The following HDAC3 variants were observed in gnomAD, a reference collection of about 807,000 sequenced individuals.
The protein encoded by HDAC3 is histone deacetylase 3.
HDAC3 carries 21 observed loss-of-function variants against 62.3 expected under a neutral mutation model. The observed-to-expected ratio is 0.34, with a 90% confidence interval of 0.24 to 0.49. The LOEUF is 0.49. Ranked by LOEUF, HDAC3 falls within the 20% of genes least tolerant of loss-of-function variation. HDAC3 has a pLI of 0.99. For synonymous variants in HDAC3, 198 were observed against 206.5 expected (o/e 0.96, Z 0.35); for missense variants, 270 against 556.9 (o/e 0.48, Z 5.19).
Position 141,626,475 on chromosome 5 carries a change from A to C in HDAC3, c.831-192T>G. 1 of 595,704 alleles carries C rather than the reference A, an allele frequency of 1.7e-6. No homozygotes were observed. The highest frequency in any genetic ancestry group is 2.8e-5 in the Admixed American group (1 of 35,492). The allele number at this position is 595,704 out of a possible 1,614,324, so 36.9% of individuals were successfully genotyped here. A position where few individuals can be genotyped will look rare whatever the true frequency, so the allele number is the denominator to read the frequency against. ...ATGCTGTGTCTCAATAAAAATTTTA[A>C]AATAAAGCACAGTCCCCCCTCTGTT... is the stretch of plus-strand genomic sequence containing the variant. On this transcript the variant is annotated intron_variant, in intron 10 of 14. Transcript: ENST00000305264. This position sits in a 1 kb window ranked among gnomAD's most constrained non-coding sequence, Gnocchi z 4.6.
chr5:141,634,846 G>C lies in HDAC3; in HGVS notation c.246C>G (p.Thr82=). The change falls in exon 3 of 15, where the codon ACC becomes ACG. Residue 82 remains threonine (T), a synonymous_variant. Transcript: ENST00000305264. ...RVSPTNMQGF[T]KSLNAFNVGD... ...CTACGTTGAAGGCATTAAGACTCTT[G>C]GTGAAGCCTTGCATATTGGTGGGGC... is the stretch of plus-strand genomic sequence containing the variant. 1 of 1,614,098 alleles carries C rather than the reference G, an allele frequency of 6.2e-7. No individual in the cohort carries two copies. The highest frequency in any genetic ancestry group is 8.5e-7 in the Non-Finnish European group (1 of 1,180,014).
chr5:141,629,658 C>A lies in HDAC3; in HGVS notation c.476+26G>T. On this transcript the variant is annotated intron_variant, in intron 6 of 14. Transcript: ENST00000305264. The surrounding 1 kb of genome is among the most constrained non-coding windows in gnomAD (Gnocchi z 5.3). ...TCCTCAGCCAAGAATCCCGTAACTG[C>A]CCCCATCTCCTCCTGGGCTACTTAC... 1 of 1,611,058 alleles carries A rather than the reference C, an allele frequency of 6.2e-7. No individual in the cohort carries two copies. The highest frequency in any genetic ancestry group is 2.2e-5 in the East Asian group (1 of 44,872).
chr5:141,636,297 G>A, intron 2 of HDAC3: 1 of 543,938 alleles, frequency 1.8e-6, no homozygotes, highest in South Asian at 2.2e-5. Flanking sequence ...CCCACATCAC[G>A]CTAACCCTAG....
chr5:141,628,016 A>C lies in HDAC3; in HGVS notation c.766-59T>G. On this transcript the variant is annotated intron_variant, in intron 9 of 14. Transcript: ENST00000305264. The surrounding 1 kb of genome is among the most constrained non-coding windows in gnomAD (Gnocchi z 4.7). ...ATCAGAACTGATCAGAACATCACAG[A>C]TACCCCTTCCACCACCAACCTAAAG... is the stretch of plus-strand genomic sequence containing the variant. The C allele has an allele frequency of 6.2e-7, 1 of 1,605,004 alleles. No homozygotes were observed. The highest frequency in any genetic ancestry group is 8.5e-7 in the Non-Finnish European group (1 of 1,171,686).
chr5:141,635,925 T>C (rs1358135175), intron 2 of HDAC3: 1 of 152,562 alleles, frequency 6.6e-6, no homozygotes, highest in African/African-American at 2.4e-5. Flanking sequence ...ACTGTTACTA[T>C]CCCATATCAC....
chr5:141,621,529 G>A lies in HDAC3; in HGVS notation c.1226C>T (p.Ala409Val). 6.2e-7 allele frequency: 1 copy of A among 1,613,708 alleles called. No homozygotes were observed. The highest frequency in any genetic ancestry group is 8.5e-7 in the Non-Finnish European group (1 of 1,179,658). ...GTCTCCATCATAGAACTCATTGGGT[G>A]CCTCTGGCCTGCAAAGCAAGGGGAG... ...GPEENYSRPEAPNEFYDGDHD... is the reference protein window; with the variant it reads ...GPEENYSRPEVPNEFYDGDHD... Residue 409 changes from alanine to valine, a missense_variant, in exon 15 of 15, where the codon GCA becomes GTA. By Grantham distance (64) the Ala-to-Val change is moderately conservative. Around this residue, in one of 5 missense-constraint regions of HDAC3, gnomAD observed 44 missense variants for 64.3 expected, o/e 0.68. Transcript: ENST00000305264.
rs1191772700 is a variant in HDAC3 at position 141,630,127 on chromosome 5, T to C, written c.282-2A>G. On this transcript the variant is annotated splice_acceptor_variant, in intron 3 of 14. Transcript: ENST00000305264. LOFTEE classifies it high-confidence loss of function. ...TCAAAGAGCCCGGGAAACACTGGGC[T>C]GCAGGGAAGAGGAACAAGTTGGAAC... 1 of 1,613,764 alleles carries C rather than the reference T, an allele frequency of 6.2e-7. No homozygotes were observed. The highest frequency in any genetic ancestry group is 1.3e-5 in the African/African-American group (1 of 74,922).
chr5:141,636,773 G>A lies in HDAC3; in HGVS notation c.18C>T (p.Ala6=), dbSNP rs138134814. The A allele has an allele frequency of 6.2e-7, 1 of 1,613,922 alleles. No homozygotes were observed. ...TGCCCACGTCGGGGTCGTAGAAATA[G>A]GCCACGGTCTTGGCCATGGTGCCGG... MAKTV[A]YFYDPDVGNF... is the part of the protein sequence containing the mutation. The change falls in exon 1 of 15, where the codon GCC becomes GCT. Residue 6 remains alanine, a synonymous_variant. Transcript: ENST00000305264.
intron 1 of HDAC3, 28 bp downstream of exon 1, chr5:141,636,708 C>G (rs755643468): frequency 7.9e-5 from 127 of 1,613,520 alleles, no homozygotes; most frequent in Non-Finnish European, 1.0e-4. Context: ...CGTGTCCCAA[C>G]CCCTCATGCA....
Position 141,623,139 on chromosome 5 carries a change from A to C in HDAC3, c.1218-1602T>G, listed in dbSNP as rs564524615. Among the ~76,000 whole-genome samples, 3 of 152,238 alleles carry C rather than the reference A, an allele frequency of 2.0e-5. No homozygotes were observed. In the East Asian group the frequency reaches 5.8e-4, roughly 29 times the overall value. On this transcript the variant is annotated intron_variant, in intron 14 of 14. Coordinates refer to ENST00000305264, the MANE Select transcript of HDAC3 (RefSeq NM_003883.4). ...ACTCCGTCTCAAAAAAAAGAAAGAA[A>C]GAAAGTTACTTAGACTCTCTGAGCC...
chr5:141,632,077 G>A (rs1473926335), intron 3 of HDAC3, among the ~76,000 whole-genome samples: 1 of 150,758 alleles, frequency 6.6e-6, no homozygotes, highest in African/African-American at 2.4e-5. Flanking sequence ...AGGCTGGAGT[G>A]CAGTGGTGCA....
intron 2 of HDAC3, 22 bp downstream of exon 2, chr5:141,636,526 C>G (rs774773891): frequency 6.2e-7 from 1 of 1,611,622 alleles, no homozygotes; most frequent in Non-Finnish European, 8.5e-7. Flanking sequence ...CCCCAACCCC[C>G]GGCCGAGGCG....
At chr5:141,633,860 T>C (rs936629036) in intron 3 of HDAC3, among the ~76,000 whole-genome samples, 20 of 150,740 alleles carry the variant, frequency 1.3e-4, no homozygotes, top group African/African-American at 4.9e-4. Flanking sequence ...AGTGGCCATT[T>C]GCTCATAAGC....
At chr5:141,621,611 C>T (rs1265633128) in intron 14 of HDAC3, 74 bp from the exon 15 acceptor site, 1 of 1,264,170 alleles carries the variant, frequency 7.9e-7, no homozygotes, top group Non-Finnish European at 1.2e-6. Flanking sequence ...TTTCCAAAGC[C>T]ATTTCTCAGG....
chr5:141,634,223 C>T (rs985368506), intron 3 of HDAC3, among the ~76,000 whole-genome samples: 8 of 152,176 alleles, frequency 5.3e-5, no homozygotes, highest in African/African-American at 9.7e-5. Flanking sequence ...CTCTACTCTA[C>T]GGGTAAAAAC....
chr5:141,625,074 A>G lies in HDAC3; in HGVS notation c.1217+134T>C. On this transcript the variant is annotated intron_variant, in intron 14 of 14. Coordinates refer to ENST00000305264, the MANE Select transcript of HDAC3 (RefSeq NM_003883.4). This position sits in a 1 kb window ranked among gnomAD's most constrained non-coding sequence, Gnocchi z 4.0. ...TTTGTCATTAAAAATAACAAAGAAAAGAGTGAGGAAATTGTAGCAGACTAA... is the reference window on the plus strand; with the variant it reads ...TTTGTCATTAAAAATAACAAAGAAAGGAGTGAGGAAATTGTAGCAGACTAA... 1 of 836,000 alleles carries G rather than the reference A, an allele frequency of 1.2e-6. No individual in the cohort carries two copies. The allele number at this position is 836,000 out of a possible 1,614,324, so 51.8% of individuals were successfully genotyped here.
At position 141,625,931 on chromosome 5, in the gene HDAC3, C is replaced by T; in HGVS notation, c.979+82G>A. The stretch of plus-strand genomic sequence containing the variant: ...CAGAGCTCTGAGAGTGTAAAATTTC[C>T]CATGTGCCTTCAAACCAGGTCATTC... On this transcript the variant is annotated intron_variant, in intron 12 of 14. Coordinates refer to ENST00000305264, the MANE Select transcript of HDAC3 (RefSeq NM_003883.4). The surrounding 1 kb of genome is among the most constrained non-coding windows in gnomAD (Gnocchi z 4.0). 1 of 1,399,832 alleles carries T rather than the reference C, an allele frequency of 7.1e-7. No homozygotes were observed. Among genetic ancestry groups the T allele is most frequent in the Non-Finnish European group, 1.0e-6 (1 of 984,824 alleles). The allele number at this position is 1,399,832 out of a possible 1,614,324, so 86.7% of individuals were successfully genotyped here. A position where few individuals can be genotyped will look rare whatever the true frequency, so the allele number is the denominator to read the frequency against.
chr5:141,625,085 A>G lies in HDAC3; in HGVS notation c.1217+123T>C, dbSNP rs2154597775. 1.1e-6 allele frequency: 1 copy of G among 884,684 alleles called. No homozygotes were observed. Among genetic ancestry groups the G allele is most frequent in the Non-Finnish European group, 1.7e-6 (1 of 585,644 alleles). The allele number at this position is 884,684 out of a possible 1,614,324, so 54.8% of individuals were successfully genotyped here. A position where few individuals can be genotyped will look rare whatever the true frequency, so the allele number is the denominator to read the frequency against. On this transcript the variant is annotated intron_variant, in intron 14 of 14. Transcript: ENST00000305264. The surrounding 1 kb of genome is among the most constrained non-coding windows in gnomAD (Gnocchi z 4.0). ...AAATAACAAAGAAAAGAGTGAGGAAATTGTAGCAGACTAAAGGAGGTAAGC... is the reference window on the plus strand; with the variant it reads ...AAATAACAAAGAAAAGAGTGAGGAAGTTGTAGCAGACTAAAGGAGGTAAGC...
In HDAC3 at chr5:141,628,774, C is replaced by T; in HGVS notation, c.611-135G>A. 1 of 658,406 alleles carries T rather than the reference C, an allele frequency of 1.5e-6. No homozygotes were observed. Among genetic ancestry groups the T allele is most frequent in the Non-Finnish European group, 2.6e-6 (1 of 380,278 alleles). The allele number at this position is 658,406 out of a possible 1,614,324, so 40.8% of individuals were successfully genotyped here. A position where few individuals can be genotyped will look rare whatever the true frequency, so the allele number is the denominator to read the frequency against. ...CATAAACTCCCTAGAGCCACTAAAT[C>T]TCTTGCAGCTTGCATTCATTGGGCA... On this transcript the variant is annotated intron_variant, in intron 7 of 14. Coordinates refer to ENST00000305264, the MANE Select transcript of HDAC3 (RefSeq NM_003883.4). The surrounding 1 kb of genome is among the most constrained non-coding windows in gnomAD (Gnocchi z 4.7).
Sources: allele counts gnomAD v4.1 joint callset (sites outside exome capture counted in the v4.1 genomes callset), GRCh38; gene constraint gnomAD v4.1.1; regional missense constraint gnomAD v4.1.1; non-coding constraint Gnocchi (gnomAD v3.1); transcripts MANE v1.5; gene names NCBI Gene and HGNC (gene_info 2026-07-23, HGNC 2026-07-21).